The following SNTG2 variants were observed in gnomAD, a reference collection of about 807,000 sequenced individuals.
SNTG2 encodes the protein gamma-2-syntrophin.
SNTG2 carries 74 observed loss-of-function variants against 70.9 expected under a neutral mutation model. The observed-to-expected ratio is 1.04, with a 90% confidence interval of 0.86 to 1.27. The LOEUF (loss-of-function observed/expected upper bound fraction) is 1.27. SNTG2 is among the 50% of genes most tolerant of loss of function. The pLI, the probability that SNTG2 is intolerant of heterozygous loss-of-function variation, is 0.00. For synonymous variants in SNTG2, 278 were observed against 273.8 expected (o/e 1.02, Z -0.15); for missense variants, 717 against 690.7 (o/e 1.04, Z -0.43).
intron 8 of SNTG2, among the ~76,000 whole-genome samples, chr2:1,194,660 G>C (rs1672795773): frequency 6.6e-6 from 1 of 152,166 alleles, no homozygotes; most frequent in South Asian, 2.1e-4. Flanking sequence ...TTGGCCTCCA[G>C]TAGGTTTTAT....
chr2:991,583 G>A lies in SNTG2; in HGVS notation c.72+40515G>A, dbSNP rs1661494397. Among the ~76,000 whole-genome samples, 5 of 152,150 alleles carry A rather than the reference G, an allele frequency of 3.3e-5. No individual in the cohort carries two copies. The South Asian group carries it at 8.3e-4, about 25-fold the overall frequency. On this transcript the variant is annotated intron_variant, in intron 1 of 16. Coordinates refer to ENST00000308624, the MANE Select transcript of SNTG2 (RefSeq NM_018968.4). ...ACTCATGAATGGGGATGTGAGGCAT[G>A]TTTTTTGCTCCAGGTAGCACCCAGG...
At chr2:1,312,997 C>G (rs941585516) in intron 15 of SNTG2, among the ~76,000 whole-genome samples, 3 of 152,232 alleles carry the variant, frequency 2.0e-5, no homozygotes, top group African/African-American at 7.2e-5. Flanking sequence ...GAGAGCACCT[C>G]CAAGTCCTTG....
chr2:1,203,746 C>T (rs949734624), intron 8 of SNTG2, among the ~76,000 whole-genome samples: 1 of 148,518 alleles, frequency 6.7e-6, no homozygotes, highest in Non-Finnish European at 1.5e-5. Flanking sequence ...ATATATGGAC[C>T]AATAGCCCTC....
At chr2:1,330,938 T>G (rs751794403) in intron 16 of SNTG2, among the ~76,000 whole-genome samples, 1 of 152,206 alleles carries the variant, frequency 6.6e-6, no homozygotes, top group Non-Finnish European at 1.5e-5. Flanking sequence ...TGAGTGTCAC[T>G]CCTCAGGTTG....
intron 16 of SNTG2, among the ~76,000 whole-genome samples, chr2:1,352,520 C>T (rs1368343958): frequency 1.3e-5 from 2 of 152,220 alleles, no homozygotes; most frequent in African/African-American, 4.8e-5. Context: ...CGAGTGTAAA[C>T]TCAGTAGGTC....
intron 1 of SNTG2, among the ~76,000 whole-genome samples, chr2:967,767 G>A (rs571054673): frequency 4.1e-4 from 63 of 152,148 alleles, no homozygotes; most frequent in African/African-American, 1.4e-3. Context: ...GGTGGCTCAC[G>A]CTTGTAATCC....
At chr2:1,132,640 C>T (rs370575252) in intron 4 of SNTG2, among the ~76,000 whole-genome samples, 2 of 152,124 alleles carry the variant, frequency 1.3e-5, no homozygotes, top group East Asian at 1.9e-4. Flanking sequence ...TGACTCTGAG[C>T]GGAGTTGCGG....
At chr2:1,222,521 GC>G (rs1481047033) in intron 9 of SNTG2, among the ~76,000 whole-genome samples, 25 of 126,862 alleles carry the variant, frequency 2.0e-4, no homozygotes, top group African/African-American at 2.9e-4. Flanking sequence ...TCCCTGTCCT[GC>G]CTGCTGCTGG....
intron 11 of SNTG2, among the ~76,000 whole-genome samples, chr2:1,240,172 C>A (rs1485762729): frequency 6.6e-6 from 1 of 152,190 alleles, no homozygotes; most frequent in South Asian, 2.1e-4. Context: ...AAAATCCTTA[C>A]TAGGAAAGCT....
intron 8 of SNTG2, among the ~76,000 whole-genome samples, chr2:1,176,873 CT>C (rs1446183996): frequency 2.6e-5 from 4 of 152,092 alleles, no homozygotes; most frequent in African/African-American, 7.2e-5. Flanking sequence ...CACTTTTTCA[CT>C]GTTGGTGGGA....
At chr2:1,105,221 G>A (rs1416417500) in intron 4 of SNTG2, among the ~76,000 whole-genome samples, 2 of 152,188 alleles carry the variant, frequency 1.3e-5, no homozygotes, top group African/African-American at 4.8e-5. Context: ...GGTGGGGGTG[G>A]GGTGAGTGTG....
At chr2:1,363,663 A>G (rs1260757620) in intron 16 of SNTG2, among the ~76,000 whole-genome samples, 1 of 152,220 alleles carries the variant, frequency 6.6e-6, no homozygotes, top group Non-Finnish European at 1.5e-5. Flanking sequence ...TTTTGTTCAA[A>G]CAAAATGTCA....
At chr2:1,153,529 A>G (rs753901621) in intron 6 of SNTG2, among the ~76,000 whole-genome samples, 1 of 152,358 alleles carries the variant, frequency 6.6e-6, no homozygotes, top group South Asian at 2.1e-4. Flanking sequence ...AAGTGCGTAC[A>G]CAGTCATCTC....
At chr2:966,215 G>T (rs888959152) in intron 1 of SNTG2, among the ~76,000 whole-genome samples, 3 of 152,112 alleles carry the variant, frequency 2.0e-5, no homozygotes, top group African/African-American at 7.2e-5. Flanking sequence ...ATCAAAACTG[G>T]TTAGTTTTGA....
intron 16 of SNTG2, among the ~76,000 whole-genome samples, chr2:1,347,714 C>T (rs1453335324): frequency 1.3e-5 from 2 of 152,184 alleles, no homozygotes; most frequent in East Asian, 3.9e-4. Flanking sequence ...AGAAAACTAG[C>T]TCAGAGGAGT....
chr2:1,286,739 G>A (rs1679781628), intron 14 of SNTG2, among the ~76,000 whole-genome samples: 2 of 152,180 alleles, frequency 1.3e-5, no homozygotes, highest in South Asian at 4.1e-4. Flanking sequence ...ATCACCCCGA[G>A]GAATGGTGCC....
intron 8 of SNTG2, among the ~76,000 whole-genome samples, chr2:1,206,506 C>T (rs915462389): frequency 5.9e-5 from 9 of 152,202 alleles, no homozygotes; most frequent in African/African-American, 1.4e-4. Context: ...CATTTGACCC[C>T]GCTGAGCTAA....
intron 4 of SNTG2, among the ~76,000 whole-genome samples, chr2:1,128,286 A>G (rs1558433265): frequency 6.6e-6 from 1 of 152,170 alleles, no homozygotes; most frequent in East Asian, 1.9e-4. Flanking sequence ...TTATATCTCG[A>G]GTCTATTCAT....
intron 2 of SNTG2, among the ~76,000 whole-genome samples, chr2:1,084,028 G>A (rs1029292003): frequency 2.0e-5 from 3 of 151,464 alleles, no homozygotes; most frequent in Admixed American, 1.3e-4. Context: ...GCAATAGAGC[G>A]AGGCTCCATC....
Sources: allele counts gnomAD v4.1 joint callset (sites outside exome capture counted in the v4.1 genomes callset), GRCh38; gene constraint gnomAD v4.1.1; transcripts MANE v1.5; gene names NCBI Gene and HGNC (gene_info 2026-07-23, HGNC 2026-07-21).